The following EPHA2 variants were observed in gnomAD, a reference collection of about 807,000 sequenced individuals.
EPHA2 encodes EPH receptor A2, also known as ephrin type-A receptor 2.
A neutral mutation model predicts 104.9 loss-of-function variants in EPHA2; 54 were observed. The observed-to-expected ratio is 0.51, with a 90% CI of 0.41 to 0.65. The LOEUF is 0.65. Ranked by LOEUF, EPHA2 falls within the 30% of genes least tolerant of loss-of-function variation. The probability of loss-of-function intolerance (pLI) is 0.00; values close to 1 mark genes in which losing one functional copy is unlikely to be tolerated. For synonymous variants in EPHA2, 560 were observed against 559.1 expected (o/e 1.00, Z -0.02); for missense variants, 1,117 against 1,369.5 (o/e 0.82, Z 2.91).
In EPHA2 at chr1:16,150,986, G is replaced by A. The variant is rs371940886; in HGVS notation, c.86-23C>T. On this transcript the variant is annotated intron_variant, in intron 1 of 16. Transcript: ENST00000358432. The surrounding 1 kb of genome is among the most constrained non-coding windows in gnomAD (Gnocchi z 4.8). Reference sequence around the variant, plus strand: ...CCACTGAAAGGGAGAAGGGAGAGGGGGTGAGCCTGGGGGTGTCTTCAGGAG... The same window carrying A: ...CCACTGAAAGGGAGAAGGGAGAGGGAGTGAGCCTGGGGGTGTCTTCAGGAG... 4.8e-5 allele frequency: 78 copies of A among 1,613,330 alleles called. No individual in the cohort carries two copies. The African/African-American group carries it at 7.3e-4, about 15-fold the overall frequency.
At position 16,135,700 on chromosome 1, in the gene EPHA2, C is replaced by A. The variant is rs143181899; in HGVS notation, c.1383G>T (p.Pro461=). The stretch of plus-strand genomic sequence containing the variant: ...CGTACTTCCACACTCGGCTCTGCTG[C>A]GGCGGGGGGATGCTCCAGGAGACGC... ...SLSVSWSIPP[P]QQSRVWKYEV... The change falls in exon 6 of 17, where the codon CCG becomes CCT. Residue 461 remains proline (P), a synonymous_variant. Transcript: ENST00000358432. The surrounding 1 kb of genome is among the most constrained non-coding windows in gnomAD (Gnocchi z 4.3). The A allele has an allele frequency of 1.2e-6, 2 of 1,613,686 alleles. No homozygotes were observed. Among genetic ancestry groups the A allele is most frequent in the East Asian group, 2.2e-5 (1 of 44,868 alleles).
chr1:16,135,587 A>G lies in EPHA2; in HGVS notation c.1428+68T>C, dbSNP rs969773130. 2 of 1,451,576 alleles carry G rather than the reference A, an allele frequency of 1.4e-6. No individual in the cohort carries two copies. Among genetic ancestry groups the G allele is most frequent in the Non-Finnish European group, 1.9e-6 (2 of 1,032,732 alleles). 89.9% of individuals were successfully genotyped at this position (1,451,576 alleles called of 1,614,324 possible). On this transcript the variant is annotated intron_variant, in intron 6 of 16. Coordinates refer to ENST00000358432, the MANE Select transcript of EPHA2 (RefSeq NM_004431.5). This position sits in a 1 kb window ranked among gnomAD's most constrained non-coding sequence, Gnocchi z 4.3. ...CAGATGGCTGGGTGGTTTGGTGATC[A>G]TCTATGTGACCAGCCTGTCCCCTGC... is the stretch of plus-strand genomic sequence containing the variant.
chr1:16,134,532 C>G lies in EPHA2; in HGVS notation c.1618G>C (p.Gly540Arg). ...AGCAGGACCACACCGACAGCCACGC[C>G]GCCAATCACCGCCAAGTTGCCAGAT... ...EGSGNLAVIGGVAVGVVLLLV... is the reference protein window; with the variant it reads ...EGSGNLAVIGRVAVGVVLLLV... Residue 540 changes from glycine (G) to arginine (R), a missense_variant, in exon 8 of 17, where the codon GGC (glycine) becomes CGC (arginine). This residue lies in a region of EPHA2 where 664 missense variants were observed against 784.8 expected (regional missense o/e 0.85). Coordinates refer to ENST00000358432, the MANE Select transcript of EPHA2 (RefSeq NM_004431.5). This position sits in a 1 kb window ranked among gnomAD's most constrained non-coding sequence, Gnocchi z 4.5. 1 of 1,614,116 alleles carries G rather than the reference C, an allele frequency of 6.2e-7. No homozygotes were observed. The highest frequency in any genetic ancestry group is 8.5e-7 in the Non-Finnish European group (1 of 1,180,036).
In EPHA2 at chr1:16,131,587, A is replaced by T. The variant is rs568301989; in HGVS notation, c.2475+134T>A. ...AAGAGCAAAACTCCGTCTCCAAAAA[A>T]AAAAAATAAACATTTATGGAGCAAG... On this transcript the variant is annotated intron_variant, in intron 14 of 16. Coordinates refer to ENST00000358432, the MANE Select transcript of EPHA2 (RefSeq NM_004431.5). The surrounding 1 kb of genome is among the most constrained non-coding windows in gnomAD (Gnocchi z 5.2). 675 of 1,343,274 alleles carry T rather than the reference A, an allele frequency of 5.0e-4. 2 individuals carry two copies. Among genetic ancestry groups the T allele is most frequent in the South Asian group, 1.2e-3 (84 of 70,092 alleles). 83.2% of individuals were successfully genotyped at this position (1,343,274 alleles called of 1,614,324 possible).
At position 16,148,725 on chromosome 1, in the gene EPHA2, C is replaced by T. The variant is rs113882203; in HGVS notation, c.476G>A (p.Arg159His). The T allele has an allele frequency of 3.1e-6, 5 of 1,613,550 alleles. No homozygotes were observed. Among genetic ancestry groups the T allele is most frequent in the East Asian group, 2.2e-5 (1 of 44,900 alleles). Residue 159 changes from arginine to histidine, a missense_variant, in exon 3 of 17, where the codon CGC becomes CAC. Transcript: ENST00000358432. The surrounding 1 kb of genome is among the most constrained non-coding windows in gnomAD (Gnocchi z 4.9). ...CTCCTCCACGTTCAGCTTCACGTGG[C>T]GTGCCTCGAAGTCGCTGCTGACGGT... ...EITVSSDFEA[R>H]HVKLNVEERS...
At chr1:16,147,387 G>A (rs2024953390) in intron 3 of EPHA2, among the ~76,000 whole-genome samples, 1 of 152,120 alleles carries the variant, frequency 6.6e-6, no homozygotes, top group Admixed American at 6.5e-5. Flanking sequence ...AAGCTCCGCG[G>A]GTGATCCTGA....
chr1:16,131,928 G>C lies in EPHA2; in HGVS notation c.2326-58C>G, dbSNP rs929876588. ...CCCTCTGGCTGGCCCCAGGACCATT[G>C]CAGCCAAGCCCCACGACCCCTCCCT... is the stretch of plus-strand genomic sequence containing the variant. On this transcript the variant is annotated intron_variant, in intron 13 of 16. Transcript: ENST00000358432. This position sits in a 1 kb window ranked among gnomAD's most constrained non-coding sequence, Gnocchi z 5.2. 2 of 1,602,736 alleles carry C rather than the reference G, an allele frequency of 1.2e-6. No individual in the cohort carries two copies. Among genetic ancestry groups the C allele is most frequent in the Non-Finnish European group, 1.7e-6 (2 of 1,174,106 alleles).
rs2025163396 is a variant in EPHA2, at chr1:16,156,049, C to G, written c.-117G>C. On this transcript the variant is annotated 5_prime_UTR_variant, in exon 1 of 17. Coordinates refer to ENST00000358432, the MANE Select transcript of EPHA2 (RefSeq NM_004431.5). ...GCCGGCCTGCGCGCAACTTCTGCCC[C>G]TCCTGCCCCGAGTCCTTAATGGAAG... The G allele has an allele frequency of 2.4e-6, 2 of 816,602 alleles. No homozygotes were observed. The highest frequency in any genetic ancestry group is 6.9e-5 in the East Asian group (2 of 28,926). 50.6% of individuals were successfully genotyped at this position (816,602 alleles called of 1,614,324 possible).
At chr1:16,145,288 CG>C (rs1201074641) in intron 3 of EPHA2, among the ~76,000 whole-genome samples, 11 of 152,208 alleles carry the variant, frequency 7.2e-5, no homozygotes. Flanking sequence ...GGGGGCAGGG[CG>C]GGGGAACCAA....
chr1:16,142,452 G>A (rs1006953777), intron 3 of EPHA2, among the ~76,000 whole-genome samples: 2 of 152,212 alleles, frequency 1.3e-5, no homozygotes, highest in African/African-American at 4.8e-5. Flanking sequence ...ATGGCCCAGC[G>A]GTGCTCAGTT....
rs540627376 is a variant in EPHA2, at chr1:16,128,875, G to A, written c.2825+559C>T. 7.7e-4 allele frequency among the ~76,000 whole-genome samples: 117 copies of A among 152,220 alleles called. 2 individuals are homozygous for A. The highest frequency in any genetic ancestry group is 1.5e-4 in the Non-Finnish European group (10 of 68,004). Reference sequence around the variant, plus strand: ...CAGGGGTTCTCTCTCCTGGGCAGCAGTCAGGGCATCTTGGAGAAGACTGCC... The same window carrying A: ...CAGGGGTTCTCTCTCCTGGGCAGCAATCAGGGCATCTTGGAGAAGACTGCC... On this transcript the variant is annotated intron_variant, in intron 16 of 16. Coordinates refer to ENST00000358432, the MANE Select transcript of EPHA2 (RefSeq NM_004431.5). The surrounding 1 kb of genome is among the most constrained non-coding windows in gnomAD (Gnocchi z 4.7).
Position 16,130,159 on chromosome 1 carries a change from C to G in EPHA2, c.2669+67G>C, listed in dbSNP as rs965515422. ...CAGCTTCACCTGGGTGGCCACTCTA[C>G]CGAAGTGGTTCAAGAGTCTGCAGAA... On this transcript the variant is annotated intron_variant, in intron 15 of 16. Transcript: ENST00000358432. The surrounding 1 kb of genome is among the most constrained non-coding windows in gnomAD (Gnocchi z 4.5). 1 of 1,606,884 alleles carries G rather than the reference C, an allele frequency of 6.2e-7. No homozygotes were observed. The highest frequency in any genetic ancestry group is 1.3e-5 in the African/African-American group (1 of 74,776).
rs751278106 is a variant in EPHA2 at position 16,129,680 on chromosome 1, C to A, written c.2670-91G>T. 15 of 1,473,832 alleles carry A rather than the reference C, an allele frequency of 1.0e-5. No individual in the cohort carries two copies. In the African/African-American group the frequency reaches 2.1e-4, roughly 20 times the overall value. The allele number at this position is 1,473,832 out of a possible 1,614,324, so 91.3% of individuals were successfully genotyped here. On this transcript the variant is annotated intron_variant, in intron 15 of 16. Transcript: ENST00000358432. ...TGCTCCCTAACCTGGATGATTGACT[C>A]GGCTGCCCCGTGCCTCCGTCTCCTT...
rs2025157300 is a variant in EPHA2 at position 16,155,890 on chromosome 1, CCCACA to C, written c.38_42del (p.Leu13ArgfsTer47). The C allele has an allele frequency of 6.7e-7, 1 of 1,487,594 alleles. No individual in the cohort carries two copies. 92.1% of individuals were successfully genotyped at this position (1,487,594 alleles called of 1,614,324 possible). ...GCCGCGGCCGCGGCCAGCGCACAGCCCCACAGCAGGGCGAAGCAGGCGCGGGCTGC... is the reference window on the plus strand; with the variant it reads ...GCCGCGGCCGCGGCCAGCGCACAGCCGCAGGGCGAAGCAGGCGCGGGCTGC... On this transcript the variant is annotated frameshift_variant, in exon 1 of 17. Transcript: ENST00000358432. LOFTEE classifies it high-confidence loss of function.
chr1:16,134,838 T>A lies in EPHA2; in HGVS notation c.1582+198A>T, dbSNP rs1036213061. 1.7e-4 allele frequency among the ~76,000 whole-genome samples: 26 copies of A among 152,158 alleles called. No individual in the cohort carries two copies. Among genetic ancestry groups the A allele is most frequent in the Non-Finnish European group, 3.2e-4 (22 of 68,010 alleles). On this transcript the variant is annotated intron_variant, in intron 7 of 16. Transcript: ENST00000358432. This position sits in a 1 kb window ranked among gnomAD's most constrained non-coding sequence, Gnocchi z 4.5. ...CTCACACCACTGTCGTGAATCCACA[T>A]CCCGGCTCCTCCACCCCTCAGCCTT...
intron 3 of EPHA2, among the ~76,000 whole-genome samples, chr1:16,139,965 C>G (rs966637229): frequency 6.6e-6 from 1 of 152,164 alleles, no homozygotes; most frequent in African/African-American, 2.4e-5. Flanking sequence ...CTAAGGACAA[C>G]CCCCTCCAGG....
intron 8 of EPHA2, 56 bp from the exon 9 acceptor site, chr1:16,133,971 C>A: frequency 6.5e-7 from 1 of 1,530,382 alleles, no homozygotes. Context: ...TCTGCTCCGG[C>A]CAGGGAAGCC....
chr1:16,135,660 T>G lies in EPHA2; in HGVS notation c.1423A>C (p.Lys475Gln). Residue 475 changes from lysine (K) to glutamine (Q), a missense_variant, in exon 6 of 17, where the codon AAG becomes CAG. This residue lies in a region of EPHA2 where 664 missense variants were observed against 784.8 expected (regional missense o/e 0.85). Coordinates refer to ENST00000358432, the MANE Select transcript of EPHA2 (RefSeq NM_004431.5). The surrounding 1 kb of genome is among the most constrained non-coding windows in gnomAD (Gnocchi z 4.3). The part of the protein sequence containing the change: ...RVWKYEVTYR[K>Q]KGDSNSYNVR... The stretch of plus-strand genomic sequence containing the variant: ...CCCGCCCCTCTGGGAGTTACCTTCT[T>G]GCGGTAAGTGACCTCGTACTTCCAC... 2 of 1,613,906 alleles carry G rather than the reference T, an allele frequency of 1.2e-6. No homozygotes were observed. The highest frequency in any genetic ancestry group is 1.7e-6 in the Non-Finnish European group (2 of 1,179,968).
chr1:16,135,365 G>A lies in EPHA2; in HGVS notation c.1429-176C>T, dbSNP rs2024663201. 1.3e-5 allele frequency among the ~76,000 whole-genome samples: 2 copies of A among 152,198 alleles called. No individual in the cohort carries two copies. Among genetic ancestry groups the A allele is most frequent in the Admixed American group, 1.3e-4 (2 of 15,276 alleles). ...GAATTAAGTGACTCACTCAAGGTCA[G>A]AACCACTAAATGCATGAGCCAGGAC... is the stretch of plus-strand genomic sequence containing the variant. On this transcript the variant is annotated intron_variant, in intron 6 of 16. Coordinates refer to ENST00000358432, the MANE Select transcript of EPHA2 (RefSeq NM_004431.5). The surrounding 1 kb of genome is among the most constrained non-coding windows in gnomAD (Gnocchi z 4.3).
Sources: allele counts gnomAD v4.1 joint callset (sites outside exome capture counted in the v4.1 genomes callset), GRCh38; gene constraint gnomAD v4.1.1; regional missense constraint gnomAD v4.1.1; non-coding constraint Gnocchi (gnomAD v3.1); transcripts MANE v1.5; gene names NCBI Gene and HGNC (gene_info 2026-07-23, HGNC 2026-07-21).